SHANK2: variants seen among roughly 807,000 people sequenced by gnomAD.
SHANK2 encodes the protein SH3 and multiple ankyrin repeat domains 2.
SHANK2 carries 43 observed loss-of-function variants against 133.7 expected under a neutral mutation model. The ratio of observed to expected loss-of-function variants is 0.32; its 90% CI spans 0.25 to 0.41. The LOEUF is 0.41. SHANK2 is among the 10% of genes least tolerant of loss of function. The probability of loss-of-function intolerance (pLI) is 1.00; values close to 1 mark genes in which losing one functional copy is unlikely to be tolerated. For missense variants in SHANK2, 1,994 were observed against 2,235.8 expected (o/e 0.89, Z 2.18); for synonymous variants, 1,017 against 952.8 (o/e 1.07, Z -1.24).
In SHANK2 at chr11:70,877,322, C is replaced by T. The variant is rs1194281322; in HGVS notation, c.1174+19179G>A. On this transcript the variant is annotated intron_variant, in intron 11 of 25. Coordinates refer to ENST00000601538, the MANE Select transcript of SHANK2 (RefSeq NM_012309.5). The stretch of plus-strand genomic sequence containing the variant: ...CCCTATGCCGATGGCCAGCCTGTGA[C>T]CTCACATAAGCCAAGAGGCTTCCTG... 3.3e-5 allele frequency among the ~76,000 whole-genome samples: 5 copies of T among 152,224 alleles called. No individual in the cohort carries two copies. In the East Asian group the frequency reaches 5.8e-4, roughly 18 times the overall value.
intron 14 of SHANK2, among the ~76,000 whole-genome samples, chr11:70,738,409 C>A (rs1555034052): frequency 6.6e-6 from 1 of 152,230 alleles, no homozygotes; most frequent in Non-Finnish European, 1.5e-5. Context: ...TGCTTGTTTG[C>A]AGGTCACAAG....
chr11:71,220,820 A>G (rs1555120951), intron 2 of SHANK2, among the ~76,000 whole-genome samples: 1 of 152,172 alleles, frequency 6.6e-6, no homozygotes, highest in Non-Finnish European at 1.5e-5. Context: ...CAGTTTGGAA[A>G]GACGAAAAAG....
chr11:71,217,008 C>T, intron 2 of SHANK2, among the ~76,000 whole-genome samples: 1 of 151,868 alleles, frequency 6.6e-6, no homozygotes, highest in East Asian at 1.9e-4. Context: ...ACCAGTCTGG[C>T]CAACATGGTG....
chr11:70,582,606 G>A (rs1554985740), intron 17 of SHANK2, among the ~76,000 whole-genome samples: 1 of 152,230 alleles, frequency 6.6e-6, no homozygotes, highest in Non-Finnish European at 1.5e-5. Context: ...GCCCTGGAGC[G>A]ATGGGCCTTC....
At chr11:70,856,501 G>GTGGATGGATGGA (rs777161766) in intron 11 of SHANK2, among the ~76,000 whole-genome samples, 13 of 149,654 alleles carry the variant, frequency 8.7e-5, no homozygotes, top group African/African-American at 3.2e-4. Context: ...TGGATAATGA[G>GTGGATGGATGGA]TGGATGGATG....
At chr11:71,060,146 TC>T (rs1762168363) in intron 9 of SHANK2, among the ~76,000 whole-genome samples, 1 of 152,142 alleles carries the variant, frequency 6.6e-6, no homozygotes, top group African/African-American at 2.4e-5. Context: ...CACGGGAACA[TC>T]CGGCAATGTC....
At chr11:71,251,632 T>G (rs1311251991) in intron 1 of SHANK2, among the ~76,000 whole-genome samples, 1 of 151,202 alleles carries the variant, frequency 6.6e-6, no homozygotes, top group African/African-American at 2.4e-5. Flanking sequence ...GGTGCCAGCT[T>G]CCTGCATAAT....
At chr11:71,111,395 G>A (rs944723845) in intron 5 of SHANK2, among the ~76,000 whole-genome samples, 2 of 152,180 alleles carry the variant, frequency 1.3e-5, no homozygotes, top group Non-Finnish European at 2.9e-5. Context: ...CATTTCCTGT[G>A]AGGTCATGAT....
intron 11 of SHANK2, among the ~76,000 whole-genome samples, chr11:70,838,981 C>T (rs1555060815): frequency 2.6e-5 from 4 of 152,216 alleles, no homozygotes. Context: ...CTGCTTTTGG[C>T]CACTTGCCCA....
At position 70,500,712 on chromosome 11, in the gene SHANK2, G is replaced by T; in HGVS notation, c.2288-122C>A. 1.5e-6 allele frequency: 2 copies of T among 1,323,910 alleles called. No individual in the cohort carries two copies. Among genetic ancestry groups the T allele is most frequent in the Non-Finnish European group, 2.1e-6 (2 of 938,958 alleles). 82.0% of individuals were successfully genotyped at this position (1,323,910 alleles called of 1,614,324 possible). A position where few individuals can be genotyped will look rare whatever the true frequency, so the allele number is the denominator to read the frequency against. ...AGGCTGGGCCGGCAATGGGGCGGCAGGCAGGGGCTGTCTGGAACGCTGCGA... is the reference window on the plus strand; with the variant it reads ...AGGCTGGGCCGGCAATGGGGCGGCATGCAGGGGCTGTCTGGAACGCTGCGA... On this transcript the variant is annotated intron_variant, in intron 20 of 25. Transcript: ENST00000601538. The surrounding 1 kb of genome is among the most constrained non-coding windows in gnomAD (Gnocchi z 4.5).
chr11:70,535,426 A>G lies in SHANK2; in HGVS notation c.2062-32495T>C, dbSNP rs1554974000. Among the ~76,000 whole-genome samples the G allele has an allele frequency of 6.6e-6, 1 of 151,786 alleles. No individual in the cohort carries two copies. The highest frequency in any genetic ancestry group is 1.5e-5 in the Non-Finnish European group (1 of 67,936). ...CCATTTATCCATCATCCATCCATCC[A>G]TCCATCTGCCATCATCCATCAGTCC... On this transcript the variant is annotated intron_variant, in intron 17 of 25. Transcript: ENST00000601538. This position sits in a 1 kb window ranked among gnomAD's most constrained non-coding sequence, Gnocchi z 4.3.
intron 17 of SHANK2, among the ~76,000 whole-genome samples, chr11:70,615,874 G>A (rs573520739): frequency 6.6e-6 from 1 of 152,162 alleles, no homozygotes; most frequent in South Asian, 2.1e-4. Context: ...TGCTCTCTGT[G>A]GCTCTTACAT....
At chr11:71,246,915 T>C (rs997146246) in intron 1 of SHANK2, among the ~76,000 whole-genome samples, 2 of 152,216 alleles carry the variant, frequency 1.3e-5, no homozygotes, top group African/African-American at 2.4e-5. Context: ...AATATATTTA[T>C]AGTTTTTGAC....
chr11:71,122,838 A>G (rs1459726993), intron 3 of SHANK2, among the ~76,000 whole-genome samples: 2 of 151,968 alleles, frequency 1.3e-5, no homozygotes, highest in Non-Finnish European at 2.9e-5. Flanking sequence ...GAAGGAACCA[A>G]CCTTGCCTAC....
At chr11:70,661,544 C>T in intron 16 of SHANK2, 52 bp downstream of exon 16, 1 of 1,332,730 alleles carries the variant, frequency 7.5e-7, no homozygotes, top group South Asian at 1.2e-5. Context: ...CACACACACA[C>T]ACACACACAC....
chr11:71,200,194 T>C (rs1311223073), intron 2 of SHANK2, among the ~76,000 whole-genome samples: 2 of 152,188 alleles, frequency 1.3e-5, no homozygotes, highest in African/African-American at 2.4e-5. Flanking sequence ...ATCTGGACAA[T>C]GCGGATAAAT....
intron 17 of SHANK2, among the ~76,000 whole-genome samples, chr11:70,584,367 T>C (rs1254484317): frequency 6.6e-6 from 1 of 152,218 alleles, no homozygotes; most frequent in Non-Finnish European, 1.5e-5. Context: ...TTGCTGACCC[T>C]GGAGGGATGG....
intron 17 of SHANK2, among the ~76,000 whole-genome samples, chr11:70,601,154 C>T (rs554569339): frequency 1.4e-4 from 21 of 152,118 alleles, no homozygotes; most frequent in Admixed American, 4.6e-4. Context: ...TGGGTTTAAG[C>T]GATTCTCATG....
intron 17 of SHANK2, among the ~76,000 whole-genome samples, chr11:70,587,965 C>CA (rs1554987217): frequency 6.6e-6 from 1 of 152,164 alleles, no homozygotes; most frequent in African/African-American, 2.4e-5. Context: ...ACATTTCAAA[C>CA]TTTTTCAGTA....
Sources: gnomAD v4.1 joint callset for allele counts (sites outside exome capture counted in the v4.1 genomes callset) on GRCh38, gnomAD v4.1.1 for gene constraint, Gnocchi (gnomAD v3.1) non-coding constraint, MANE v1.5 for transcripts, NCBI Gene and HGNC (gene_info 2026-07-23, HGNC 2026-07-21) for gene names.